The following TBL1XR1 variants were observed in gnomAD, a reference collection of about 807,000 sequenced individuals.
TBL1XR1 encodes TBL1X/Y related 1, also known as F-box-like/WD repeat-containing protein TBL1XR1.
Under a neutral mutation model 66.9 loss-of-function variants are expected in TBL1XR1, and 5 were observed. That is an observed-to-expected ratio of 0.07 (90% CI 0.04 to 0.16). TBL1XR1 has a LOEUF of 0.16. TBL1XR1 is among the 10% of genes least tolerant of loss of function. The pLI is 1.00. For missense variants in TBL1XR1, 238 were observed against 623.2 expected (o/e 0.38, Z 6.58); for synonymous variants, 210 against 206.0 (o/e 1.02, Z -0.17).
rs1236706292 is a variant in TBL1XR1, at chr3:177,051,597, C to A, written c.334G>T (p.Ala112Ser). 6.2e-7 allele frequency: 1 copy of A among 1,613,524 alleles called. No individual in the cohort carries two copies. Among genetic ancestry groups the A allele is most frequent in the Admixed American group, 1.7e-5 (1 of 59,982 alleles). Residue 112 changes from alanine to serine, a missense_variant, in exon 5 of 16, where the codon GCA (alanine) becomes TCA (serine). By Grantham distance (99) the Ala-to-Ser change is moderately conservative. Transcript: ENST00000457928. Reference protein sequence around the residue: ...KLAQQQAAAAAAAAAAASQQG... With the variant: ...KLAQQQAAAASAAAAAASQQG... ...TGGCTGGCTGCAGCTGCGGCAGCTG[C>A]AGCAGCTGCTGCCTGTTGCTGTGCA...
At chr3:177,175,533 A>G (rs1216420132) in intron 1 of TBL1XR1, among the ~76,000 whole-genome samples, 2 of 152,210 alleles carry the variant, frequency 1.3e-5, no homozygotes, top group African/African-American at 4.8e-5. Context: ...GGCAGAGATC[A>G]GTATTGTACA....
chr3:177,047,085 G>A (rs1716429997), intron 9 of TBL1XR1, among the ~76,000 whole-genome samples: 1 of 152,120 alleles, frequency 6.6e-6, no homozygotes, highest in South Asian at 2.1e-4. Flanking sequence ...CAAATTCCAG[G>A]TAAAATTAAA....
chr3:177,172,704 G>C, intron 1 of TBL1XR1, among the ~76,000 whole-genome samples: 1 of 143,772 alleles, frequency 7.0e-6, no homozygotes, highest in South Asian at 2.3e-4. Flanking sequence ...GGAGGAGAGG[G>C]AAGAGAAGAG....
At chr3:177,073,243 A>G (rs563925050) in intron 2 of TBL1XR1, among the ~76,000 whole-genome samples, 8 of 152,298 alleles carry the variant, frequency 5.3e-5, no homozygotes, top group Admixed American at 4.6e-4. Flanking sequence ...CCCTCATGGC[A>G]ATATTGGTGA....
At chr3:177,123,221 CTCATA>C (rs1205653614) in intron 1 of TBL1XR1, among the ~76,000 whole-genome samples, 2 of 152,134 alleles carry the variant, frequency 1.3e-5, no homozygotes, top group Non-Finnish European at 2.9e-5. Flanking sequence ...CAAGAGAGAA[CTCATA>C]TCATACTAAA....
chr3:177,148,452 A>G (rs1730498645), intron 1 of TBL1XR1, among the ~76,000 whole-genome samples: 1 of 152,258 alleles, frequency 6.6e-6, no homozygotes, highest in African/African-American at 2.4e-5. Flanking sequence ...ACAGTGGCTC[A>G]CGCCTGTAAT....
chr3:177,142,953 A>G (rs965735370), intron 1 of TBL1XR1, among the ~76,000 whole-genome samples: 1 of 152,060 alleles, frequency 6.6e-6, no homozygotes, highest in Non-Finnish European at 1.5e-5. Flanking sequence ...CAGCCATCAT[A>G]TGGCAAACAA....
rs1291921638 is a variant in TBL1XR1 at position 177,135,375 on chromosome 3, A to G, written c.-121-36834T>C. 4.1e-4 allele frequency among the ~76,000 whole-genome samples: 13 copies of G among 31,410 alleles called. No homozygotes were observed. In the South Asian group the frequency reaches 0.012, roughly 28 times the overall value. 20.6% of individuals were successfully genotyped at this position (31,410 alleles called of 152,430 possible). ...TATATATATATATATATATATATAT[A>G]TATATATGTATGTATTTTTTTTTTA... On this transcript the variant is annotated intron_variant, in intron 1 of 15. Transcript: ENST00000457928.
chr3:177,106,487 A>T (rs1026407956), intron 1 of TBL1XR1, among the ~76,000 whole-genome samples: 5 of 152,164 alleles, frequency 3.3e-5, no homozygotes, highest in Admixed American at 3.3e-4. Flanking sequence ...ATAAATTACA[A>T]AAAGGAAGCC....
chr3:177,129,388 T>A (rs185070002), intron 1 of TBL1XR1, among the ~76,000 whole-genome samples: 69 of 152,268 alleles, frequency 4.5e-4, no homozygotes, highest in African/African-American at 1.6e-3. Context: ...GTGCTCAACC[T>A]CCTTGCAAGA....
intron 2 of TBL1XR1, among the ~76,000 whole-genome samples, chr3:177,087,765 G>A (rs1021552361): frequency 1.3e-5 from 2 of 151,976 alleles, no homozygotes; most frequent in African/African-American, 2.4e-5. Flanking sequence ...AGAATGGGGG[G>A]CGGGGAGTCT....
At chr3:177,199,281 C>G (rs1403699139), upstream of TBL1XR1, among the ~76,000 whole-genome samples, 1 of 152,156 alleles carries the variant, frequency 6.6e-6, no homozygotes, top group Non-Finnish European at 1.5e-5. Flanking sequence ...GCAAGTTTTG[C>G]ATTTCAATAG....
At chr3:177,172,261 CA>C (rs35087965) in intron 1 of TBL1XR1, among the ~76,000 whole-genome samples, 149 of 100,322 alleles carry the variant, frequency 1.5e-3, no homozygotes, top group Middle Eastern at 6.4e-3. Flanking sequence ...ACTCCCACCT[CA>C]AAAAAAAAAA....
In TBL1XR1 at chr3:177,050,428, G is replaced by A. The variant is rs758878017; in HGVS notation, c.560+50C>T. On this transcript the variant is annotated intron_variant, in intron 6 of 15. Transcript: ENST00000457928. ...TGAATAATGCATATGTTTATAAAATGTTCAATAAGATATTTTTAAGTCATT... is the reference window on the plus strand; with the variant it reads ...TGAATAATGCATATGTTTATAAAATATTCAATAAGATATTTTTAAGTCATT... 5 of 1,596,130 alleles carry A rather than the reference G, an allele frequency of 3.1e-6. No individual in the cohort carries two copies. In the African/African-American group the frequency reaches 5.4e-5, roughly 17 times the overall value.
At chr3:177,049,949 G>A (rs774422339) in intron 7 of TBL1XR1, 48 bp downstream of exon 7, 3 of 1,595,482 alleles carry the variant, frequency 1.9e-6, no homozygotes, top group Non-Finnish European at 1.7e-6. Flanking sequence ...GGCTCTGAGG[G>A]TTAGGTATAC....
chr3:177,101,439 T>A (rs995883053), intron 1 of TBL1XR1, among the ~76,000 whole-genome samples: 1 of 152,184 alleles, frequency 6.6e-6, no homozygotes, highest in East Asian at 1.9e-4. Flanking sequence ...GTTGGAGACT[T>A]AATCCCCAAA....
At chr3:177,161,975 A>G (rs1172462033) in intron 1 of TBL1XR1, among the ~76,000 whole-genome samples, 3 of 152,264 alleles carry the variant, frequency 2.0e-5, no homozygotes, top group Non-Finnish European at 4.4e-5. Flanking sequence ...TGACAAAAAC[A>G]CAGAGCAACT....
At chr3:177,186,828 G>A (rs1735471085) in intron 1 of TBL1XR1, among the ~76,000 whole-genome samples, 1 of 152,168 alleles carries the variant, frequency 6.6e-6, no homozygotes, top group Non-Finnish European at 1.5e-5. Context: ...TCTCACACCT[G>A]TAATCCCAGC....
intron 10 of TBL1XR1, among the ~76,000 whole-genome samples, chr3:177,043,831 T>C (rs183715397): frequency 6.6e-6 from 1 of 152,312 alleles, no homozygotes; most frequent in African/African-American, 2.4e-5. Context: ...CTTTGATGGG[T>C]TCTTAACTGT....
Sources: gnomAD v4.1 joint callset for allele counts (sites outside exome capture counted in the v4.1 genomes callset) on GRCh38, gnomAD v4.1.1 for gene constraint, MANE v1.5 for transcripts, NCBI Gene and HGNC (gene_info 2026-07-23, HGNC 2026-07-21) for gene names.